Variants in SUMF1 observed in about 807,000 individuals in gnomAD.
The protein encoded by SUMF1 is sulfatase modifying factor 1.
Under a neutral mutation model 47.6 loss-of-function variants are expected in SUMF1, and 48 were observed. The observed-to-expected ratio is 1.01, with a 90% CI of 0.80 to 1.28. SUMF1 has a LOEUF of 1.28. Among genes scored for constraint, SUMF1 ranks in the 50% most tolerant of loss-of-function variants. SUMF1 has a pLI of 0.00. For synonymous variants in SUMF1, 230 were observed against 192.1 expected, an observed-to-expected ratio of 1.20 and a Z score of -1.63; for missense variants, 571 against 485.4, an observed-to-expected ratio of 1.18 and a Z score of -1.66.
At chr3:4,464,314 GAATT>G (rs781230484) in intron 1 of SUMF1, among the ~76,000 whole-genome samples, 1 of 151,708 alleles carries the variant, frequency 6.6e-6, no homozygotes, top group African/African-American at 2.4e-5. Context: ...TGTCCATGAA[GAATT>G]AATTCTTTCT....
chr3:4,354,233 A>T (rs1013409144), intron 8 of SUMF1, among the ~76,000 whole-genome samples: 10 of 152,250 alleles, frequency 6.6e-5, no homozygotes, highest in Non-Finnish European at 1.3e-4. Flanking sequence ...GAAGGATTAA[A>T]TAAGAAGTAA....
At chr3:4,435,861 A>T (rs1392303947) in intron 3 of SUMF1, among the ~76,000 whole-genome samples, 2 of 152,262 alleles carry the variant, frequency 1.3e-5, no homozygotes, top group Non-Finnish European at 2.9e-5. Context: ...CTCTAAAAAA[A>T]GTACTACAGG....
At chr3:4,174,132 G>A (rs1335403285) in intron 8 of SUMF1, among the ~76,000 whole-genome samples, 1 of 152,026 alleles carries the variant, frequency 6.6e-6, no homozygotes, top group Non-Finnish European at 1.5e-5. Flanking sequence ...TGAGGCAGGT[G>A]GATCATGAGG....
chr3:4,129,604 A>G (rs1693737846), intron 8 of SUMF1, among the ~76,000 whole-genome samples: 1 of 152,112 alleles, frequency 6.6e-6, no homozygotes, highest in Non-Finnish European at 1.5e-5. Context: ...TACAATACTG[A>G]AAATTTATAC....
At chr3:4,313,515 C>G (rs371659605) in intron 8 of SUMF1, 16 of 1,613,846 alleles carry the variant, frequency 9.9e-6, no homozygotes, top group Non-Finnish European at 1.4e-5. Flanking sequence ...AAGAAGAACT[C>G]TCTTATGATT....
At chr3:4,110,785 T>C (rs1341337779) in intron 8 of SUMF1, among the ~76,000 whole-genome samples, 9 of 137,008 alleles carry the variant, frequency 6.6e-5, no homozygotes, top group Non-Finnish European at 9.1e-5. Flanking sequence ...TAGGTGGGAA[T>C]TGAACAATGA....
chr3:4,102,002 C>G (rs570669183), intron 8 of SUMF1, among the ~76,000 whole-genome samples: 1 of 151,968 alleles, frequency 6.6e-6, no homozygotes, highest in East Asian at 1.9e-4. Context: ...GGGGAAGCCC[C>G]GTAAAAAAGC....
At chr3:4,148,276 AG>A (rs1356631781) in intron 8 of SUMF1, among the ~76,000 whole-genome samples, 1 of 152,140 alleles carries the variant, frequency 6.6e-6, no homozygotes, top group Non-Finnish European at 1.5e-5. Context: ...TTCTCACCCA[AG>A]AGATGGGGGT....
At chr3:4,416,020 A>G (rs1701699829) in intron 6 of SUMF1, among the ~76,000 whole-genome samples, 1 of 152,186 alleles carries the variant, frequency 6.6e-6, no homozygotes. Flanking sequence ...CAAATTATCC[A>G]GTCTGTAGTA....
chr3:4,222,282 T>C, intron 8 of SUMF1, among the ~76,000 whole-genome samples: 1 of 152,064 alleles, frequency 6.6e-6, no homozygotes, highest in East Asian at 1.9e-4. Flanking sequence ...TCAAGGAAGC[T>C]GCCTTTGGCC....
At chr3:4,324,416 C>T (rs1698899652) in intron 8 of SUMF1, among the ~76,000 whole-genome samples, 1 of 152,124 alleles carries the variant, frequency 6.6e-6, no homozygotes, top group African/African-American at 2.4e-5. Context: ...ATCACAAGAG[C>T]ATCTGTGACC....
At chr3:4,121,697 T>G (rs1693548541) in intron 8 of SUMF1, among the ~76,000 whole-genome samples, 1 of 152,184 alleles carries the variant, frequency 6.6e-6, no homozygotes. Context: ...TATATATGCA[T>G]GTTCATAGCA....
At chr3:4,366,042 G>GCC (rs1559248304) in intron 8 of SUMF1, among the ~76,000 whole-genome samples, 1 of 151,572 alleles carries the variant, frequency 6.6e-6, no homozygotes, top group East Asian at 1.9e-4. Context: ...TTGAATATTG[G>GCC]CCCCCACTCT....
At chr3:4,204,042 C>A (rs1199611180) in intron 8 of SUMF1, among the ~76,000 whole-genome samples, 1 of 151,944 alleles carries the variant, frequency 6.6e-6, no homozygotes, top group African/African-American at 2.4e-5. Flanking sequence ...TTGTAATATT[C>A]TGTATTTATC....
At chr3:4,186,573 A>G (rs1421554403) in intron 8 of SUMF1, among the ~76,000 whole-genome samples, 1 of 152,036 alleles carries the variant, frequency 6.6e-6, no homozygotes, top group African/African-American at 2.4e-5. Context: ...AGAATGCATT[A>G]CTCTACTCTC....
At chr3:4,130,248 T>C (rs1480150843) in intron 8 of SUMF1, among the ~76,000 whole-genome samples, 1 of 152,188 alleles carries the variant, frequency 6.6e-6, no homozygotes, top group African/African-American at 2.4e-5. Context: ...TGTGATTTCA[T>C]TGCTTGAGCA....
downstream of SUMF1, among the ~76,000 whole-genome samples, chr3:4,358,260 A>G (rs1218664630): frequency 6.6e-6 from 1 of 152,220 alleles, no homozygotes; most frequent in Non-Finnish European, 1.5e-5. Context: ...TCCAGGATTC[A>G]GGACTAAAGC....
chr3:4,086,524 G>C (rs1692675262), intron 8 of SUMF1, among the ~76,000 whole-genome samples: 1 of 152,108 alleles, frequency 6.6e-6, no homozygotes, highest in Non-Finnish European at 1.5e-5. Flanking sequence ...CCTTTCCTGA[G>C]TACCAGAATT....
chr3:4,349,117 A>T (rs992041801), intron 8 of SUMF1, among the ~76,000 whole-genome samples: 5 of 152,220 alleles, frequency 3.3e-5, no homozygotes, highest in Admixed American at 3.3e-4. Context: ...CAAAGGTCTA[A>T]TATCTAGAAT....
Sources: allele counts gnomAD v4.1 joint callset (sites outside exome capture counted in the v4.1 genomes callset), GRCh38; gene constraint gnomAD v4.1.1; transcripts MANE v1.5; gene names NCBI Gene and HGNC (gene_info 2026-07-23, HGNC 2026-07-21).